The following STAU1 variants were observed in gnomAD, a reference collection of about 807,000 sequenced individuals.
STAU1 encodes double-stranded RNA-binding protein Staufen homolog 1.
In STAU1, 13 loss-of-function variants were observed where a neutral mutation model predicts 62.9. The ratio of observed to expected loss-of-function variants is 0.21; its 90% CI spans 0.13 to 0.33. The LOEUF is 0.33. Among genes scored for constraint, STAU1 ranks in the 10% least tolerant of loss-of-function variants. The probability of loss-of-function intolerance (pLI) is 1.00; values close to 1 mark genes in which losing one functional copy is unlikely to be tolerated. For missense variants in STAU1, 571 were observed against 712.1 expected (o/e 0.80, Z 2.25); for synonymous variants, 269 against 265.1 (o/e 1.01, Z -0.14).
the STAU1 span, among the ~76,000 whole-genome samples, chr20:49,213,670 A>G: frequency 1.3e-5 from 2 of 152,266 alleles, no homozygotes; most frequent in African/African-American, 4.8e-5. Context: ...CAGTTTCAGG[A>G]AGCAGGTAAA....
chr20:49,129,280 ATTTTTT>A (rs71184264), intron 6 of STAU1, among the ~76,000 whole-genome samples: 6 of 87,958 alleles, frequency 6.8e-5, no homozygotes, highest in Admixed American at 1.7e-4. Flanking sequence ...TTAAAAAAAA[ATTTTTT>A]TTTTTTTTTT....
At chr20:49,207,138 A>C in the STAU1 span, among the ~76,000 whole-genome samples, 1 of 151,748 alleles carries the variant, frequency 6.6e-6, no homozygotes, top group Non-Finnish European at 1.5e-5. Context: ...AGGTGGGAGG[A>C]CCACTTGAGC....
intron 3 of STAU1, among the ~76,000 whole-genome samples, chr20:49,161,464 A>G (rs1041176097): frequency 6.6e-6 from 1 of 152,216 alleles, no homozygotes; most frequent in African/African-American, 2.4e-5. Context: ...CAGTTTGAAA[A>G]CATGTATTTT....
chr20:49,120,089 T>G lies in STAU1; in HGVS notation c.1006A>C (p.Asn336His). The G allele has an allele frequency of 2.5e-6, 4 of 1,614,190 alleles. No individual in the cohort carries two copies. Among genetic ancestry groups the G allele is most frequent in the Non-Finnish European group, 3.4e-6 (4 of 1,180,010 alleles). ...GCATTGCGCTTGGCCACCTTCTTGTTGGTGCCCGTTCCTTCTGCAGTGTGG... is the reference window on the plus strand; with the variant it reads ...GCATTGCGCTTGGCCACCTTCTTGTGGGTGCCCGTTCCTTCTGCAGTGTGG... ...GNHTAEGTGTNKKVAKRNAAE... is the reference protein window; with the variant it reads ...GNHTAEGTGTHKKVAKRNAAE... Residue 336 changes from asparagine to histidine, a missense_variant, in exon 9 of 14, where the codon AAC (asparagine) becomes CAC (histidine). By Grantham distance (68) the Asn-to-His change is moderately conservative. Transcript: ENST00000371856.
At chr20:49,114,974 G>A in intron 13 of STAU1, 81 bp from the exon 14 acceptor site, 5 of 1,442,058 alleles carry the variant, frequency 3.5e-6, no homozygotes, top group Non-Finnish European at 4.8e-6. Flanking sequence ...AAAGAAATTG[G>A]CAAACATCAG....
chr20:49,184,905 A>C (rs1402456653), intron 1 of STAU1, among the ~76,000 whole-genome samples: 1 of 152,224 alleles, frequency 6.6e-6, no homozygotes, highest in Non-Finnish European at 1.5e-5. Flanking sequence ...CTAAAAGCTG[A>C]AAACTATTCA....
intron 12 of STAU1, 51 bp from the exon 13 acceptor site, chr20:49,115,918 A>G: frequency 2.0e-6 from 3 of 1,520,624 alleles, no homozygotes; most frequent in Non-Finnish European, 2.7e-6. Context: ...TTGGGACCAC[A>G]GCATAATACA....
chr20:49,136,808 C>T (rs371025931), intron 5 of STAU1, among the ~76,000 whole-genome samples: 1 of 152,146 alleles, frequency 6.6e-6, no homozygotes, highest in African/African-American at 2.4e-5. Context: ...AGCGATTCTC[C>T]TGCCTCAGCC....
rs563824395 is a variant in STAU1, at chr20:49,161,164, A to T, written c.205+4833T>A. Among the ~76,000 whole-genome samples the T allele has an allele frequency of 4.8e-4, 66 of 137,292 alleles. No individual in the cohort carries two copies. In the South Asian group the frequency reaches 0.011, roughly 24 times the overall value. 90.1% of individuals were successfully genotyped at this position (137,292 alleles called of 152,430 possible). On this transcript the variant is annotated intron_variant, in intron 3 of 13. Coordinates refer to ENST00000371856, the MANE Select transcript of STAU1 (RefSeq NM_017453.4). ...TGAGACTTCATCTCCACAAAGAATT[A>T]AAAAAAAAAAAAACTAGCTGGGCGT... is the stretch of plus-strand genomic sequence containing the variant.
chr20:49,120,182 C>A, intron 8 of STAU1, 54 bp from the exon 9 acceptor site: 1 of 1,559,036 alleles, frequency 6.4e-7, no homozygotes, highest in Non-Finnish European at 8.7e-7. Context: ...GAATAACAAC[C>A]AGGCAGGAAT....
chr20:49,151,853 T>C, intron 4 of STAU1, 106 bp from the exon 5 acceptor site: 4 of 957,900 alleles, frequency 4.2e-6, no homozygotes, highest in Non-Finnish European at 6.0e-6. Flanking sequence ...CTACTCACAT[T>C]AGTGTTTGAT....
At chr20:49,156,600 T>A (rs997621956) in intron 3 of STAU1, among the ~76,000 whole-genome samples, 41 of 152,330 alleles carry the variant, frequency 2.7e-4, no homozygotes, top group Non-Finnish European at 4.4e-5. Context: ...CAGCTGTGTG[T>A]TTGACCTTTT....
chr20:49,153,078 G>T (rs891160191), intron 4 of STAU1, among the ~76,000 whole-genome samples: 14 of 151,350 alleles, frequency 9.3e-5, no homozygotes, highest in Admixed American at 7.9e-4. Context: ...GTGAAACCCC[G>T]TCTCTACTAA....
At chr20:49,202,814 G>A in the STAU1 span, among the ~76,000 whole-genome samples, 1 of 152,020 alleles carries the variant, frequency 6.6e-6, no homozygotes, top group African/African-American at 2.4e-5. Flanking sequence ...GCTGAGGTGG[G>A]TGGATCACTT....
At chr20:49,155,347 C>A (rs897036831) in intron 3 of STAU1, among the ~76,000 whole-genome samples, 2 of 152,148 alleles carry the variant, frequency 1.3e-5, no homozygotes, top group African/African-American at 4.8e-5. Flanking sequence ...CAAGTTATCT[C>A]AAAATTATCA....
intron 3 of STAU1, among the ~76,000 whole-genome samples, chr20:49,158,007 T>G (rs544771330): frequency 1.9e-4 from 29 of 151,976 alleles, no homozygotes; most frequent in Middle Eastern, 3.4e-3. Flanking sequence ...AGCGGCCGGG[T>G]GTGGTGGCTC....
At chr20:49,171,001 C>T (rs1230216313) in intron 2 of STAU1, among the ~76,000 whole-genome samples, 1 of 152,208 alleles carries the variant, frequency 6.6e-6, no homozygotes, top group African/African-American at 2.4e-5. Flanking sequence ...TCTACAAAAA[C>T]TTATTAAGCA....
chr20:49,170,168 C>A (rs2093578706), intron 2 of STAU1, among the ~76,000 whole-genome samples: 1 of 152,162 alleles, frequency 6.6e-6, no homozygotes, highest in South Asian at 2.1e-4. Flanking sequence ...CTAGACCATA[C>A]TGAGCACAGT....
At chr20:49,217,450 A>T in the STAU1 span, among the ~76,000 whole-genome samples, 1 of 152,080 alleles carries the variant, frequency 6.6e-6, no homozygotes, top group Non-Finnish European at 1.5e-5. Flanking sequence ...AAACTATTAG[A>T]TGAAACTACA....
Sources: gnomAD v4.1 joint callset for allele counts (sites outside exome capture counted in the v4.1 genomes callset) on GRCh38, gnomAD v4.1.1 for gene constraint, MANE v1.5 for transcripts, NCBI Gene and HGNC (gene_info 2026-07-23, HGNC 2026-07-21) for gene names.